The following TAF5L variants were observed in gnomAD, a reference collection of about 807,000 sequenced individuals.
TAF5L encodes TAF5-like RNA polymerase II p300/CBP-associated factor-associated factor 65 kDa subunit 5L.
TAF5L carries 7 observed loss-of-function variants against 51.3 expected under a neutral mutation model. The ratio of observed to expected loss-of-function variants is 0.14; its 90% CI spans 0.08 to 0.26. The LOEUF (loss-of-function observed/expected upper bound fraction) is 0.26, where lower values mean the gene tolerates loss of function less well. Ranked by LOEUF, TAF5L falls within the 10% of genes least tolerant of loss-of-function variation. TAF5L has a pLI of 1.00. For synonymous variants in TAF5L, 291 were observed against 308.1 expected (o/e 0.94, Z 0.58); for missense variants, 575 against 758.9 (o/e 0.76, Z 2.85).
At chr1:229,603,914 C>G (rs918213887) in intron 3 of TAF5L, among the ~76,000 whole-genome samples, 1 of 152,200 alleles carries the variant, frequency 6.6e-6, no homozygotes, top group Non-Finnish European at 1.5e-5. Flanking sequence ...GAGACCAGCC[C>G]GTGTCACAGT....
chr1:229,625,824 C>CCGCG lies in TAF5L; in HGVS notation c.-4+57_-4+60dup, dbSNP rs1205940409. On this transcript the variant is annotated intron_variant, in intron 1 of 4. Transcript: ENST00000258281. This position sits in a 1 kb window ranked among gnomAD's most constrained non-coding sequence, Gnocchi z 4.0. ...CCCCACCGCCCCGGCCCCCGCCCGC[C>CCGCG]CGCGCGCGCGCGCGCCTCGCGACCC... The CCGCG allele has an allele frequency of 7.9e-5, 11 of 138,784 alleles. No homozygotes were observed. The highest frequency in any genetic ancestry group is 3.5e-4 in the Admixed American group (5 of 14,370). The allele number at this position is 138,784 out of a possible 1,614,324, so 8.6% of individuals were successfully genotyped here.
At chr1:229,613,057 C>T (rs1400070409) in intron 2 of TAF5L, among the ~76,000 whole-genome samples, 2 of 151,990 alleles carry the variant, frequency 1.3e-5, no homozygotes, top group Admixed American at 6.6e-5. Context: ...GTGGCTCACA[C>T]CTGTAATCCC....
At chr1:229,611,755 T>C (rs114078644) in intron 2 of TAF5L, among the ~76,000 whole-genome samples, 1,934 of 152,308 alleles carry the variant, frequency 0.013, 39 homozygotes, top group African/African-American at 0.045. Context: ...CTGGGCTGCC[T>C]TATCAATACT....
intron 4 of TAF5L, among the ~76,000 whole-genome samples, chr1:229,596,743 C>T (rs1056152132): frequency 2.6e-5 from 4 of 152,074 alleles, no homozygotes; most frequent in Admixed American, 2.6e-4. Context: ...CTCTTCTGTC[C>T]CAGAATTCAT....
chr1:229,620,788 TAAAG>T (rs1665171849), intron 1 of TAF5L, among the ~76,000 whole-genome samples: 1 of 152,212 alleles, frequency 6.6e-6, no homozygotes, highest in African/African-American at 2.4e-5. Context: ...CTTGACTACA[TAAAG>T]AAAACTTTCA....
Position 229,599,275 on chromosome 1 carries a change from GT to G in TAF5L, c.972+2919del, listed in dbSNP as rs34051833. On this transcript the variant is annotated intron_variant, in intron 4 of 4. Transcript: ENST00000258281. ...AGAAGATTTTGGTTACTGTTATCCTGTTTTTTTTTTTAAACTGAGATATAAT... is the reference window on the plus strand; with the variant it reads ...AGAAGATTTTGGTTACTGTTATCCTGTTTTTTTTTTAAACTGAGATATAAT... The G allele has an allele frequency of 2.7e-3, 1,860 of 685,884 alleles. 1 individual carries two copies. Among genetic ancestry groups the G allele is most frequent in the Non-Finnish European group, 3.0e-3 (1,698 of 559,224 alleles). The allele number at this position is 685,884 out of a possible 1,614,324, so 42.5% of individuals were successfully genotyped here.
intron 4 of TAF5L, among the ~76,000 whole-genome samples, chr1:229,596,846 T>C (rs561478872): frequency 6.6e-6 from 1 of 152,320 alleles, no homozygotes; most frequent in East Asian, 1.9e-4. Flanking sequence ...GTGGCAGCCT[T>C]AGGTTCTTGT....
intron 2 of TAF5L, 64 bp downstream of exon 2, chr1:229,614,277 C>T: frequency 6.2e-7 from 1 of 1,613,950 alleles, no homozygotes. Context: ...AGTAATTCCA[C>T]ATGGATATTG....
At chr1:229,618,946 A>G (rs898237469) in intron 1 of TAF5L, among the ~76,000 whole-genome samples, 3 of 152,216 alleles carry the variant, frequency 2.0e-5, no homozygotes, top group African/African-American at 7.2e-5. Flanking sequence ...AGATAAATTC[A>G]GGCAAACTCA....
In TAF5L at chr1:229,602,166, T is replaced by C. The variant is rs1021960016; in HGVS notation, c.972+29A>G. 1 of 1,597,002 alleles carries C rather than the reference T, an allele frequency of 6.3e-7. No individual in the cohort carries two copies. The highest frequency in any genetic ancestry group is 1.7e-5 in the Admixed American group (1 of 58,706). ...ATTCTAAGGAAATTAGGAAGGCGGGTGCAGGGAAGAAAAAAATGGTATTCA... is the reference window on the plus strand; with the variant it reads ...ATTCTAAGGAAATTAGGAAGGCGGGCGCAGGGAAGAAAAAAATGGTATTCA... On this transcript the variant is annotated intron_variant, in intron 4 of 4. Transcript: ENST00000258281. The surrounding 1 kb of genome is among the most constrained non-coding windows in gnomAD (Gnocchi z 4.6).
rs146546620 is a variant in TAF5L, at chr1:229,602,609, G to A, written c.558C>T (p.Ala186=). The change falls in exon 4 of 5, where the codon GCC becomes GCT. Residue 186 remains alanine (A), a synonymous_variant. Coordinates refer to ENST00000258281, the Ensembl canonical transcript of TAF5L. This position sits in a 1 kb window ranked among gnomAD's most constrained non-coding sequence, Gnocchi z 4.6. ...TATGTAAGGTGAGGACTTTGCACAG[G>A]GCAGTATTGTTGTCACTTTGGAGGT... is the stretch of plus-strand genomic sequence containing the variant. The A allele has an allele frequency of 1.4e-4, 221 of 1,614,068 alleles. No homozygotes were observed. Among genetic ancestry groups the A allele is most frequent in the Admixed American group, 1.8e-4 (11 of 59,998 alleles).
chr1:229,602,938 A>G lies in TAF5L; in HGVS notation c.248-19T>C, dbSNP rs1275193093. ...TCAGAATCTATAATGAAAGAAAAAG[A>G]AGGCTTTATAATCAGCATAATCTTA... On this transcript the variant is annotated intron_variant, in intron 3 of 4. Transcript: ENST00000258281. The surrounding 1 kb of genome is among the most constrained non-coding windows in gnomAD (Gnocchi z 4.6). 9 of 1,566,320 alleles carry G rather than the reference A, an allele frequency of 5.7e-6. No individual in the cohort carries two copies. The highest frequency in any genetic ancestry group is 1.8e-5 in the Admixed American group (1 of 54,128).
At chr1:229,606,182 G>A in intron 3 of TAF5L, 4 of 985,396 alleles carry the variant, frequency 4.1e-6, no homozygotes, top group Non-Finnish European at 3.6e-6. Context: ...CTTGTCTGAA[G>A]AGAACAGTAT....
At chr1:229,614,842 AG>A (rs1664917458) in intron 1 of TAF5L, among the ~76,000 whole-genome samples, 1 of 152,194 alleles carries the variant, frequency 6.6e-6, no homozygotes. Flanking sequence ...TCTGAAATTT[AG>A]GGCCTTTGAT....
At chr1:229,610,701 TC>T (rs1370609894) in intron 2 of TAF5L, among the ~76,000 whole-genome samples, 83 of 152,244 alleles carry the variant, frequency 5.5e-4, no homozygotes, top group African/African-American at 2.0e-3. Flanking sequence ...CCTGAACCAA[TC>T]CTTTAATTTT....
chr1:229,599,834 A>G (rs1664300255), intron 4 of TAF5L: 2 of 985,316 alleles, frequency 2.0e-6, no homozygotes. Flanking sequence ...CGTTTCAAAT[A>G]CTGTAGAAAT....
At chr1:229,598,701 TTTTTTCTTTTTTTTTGA>T (rs1185198252) in intron 4 of TAF5L, among the ~76,000 whole-genome samples, 1 of 151,340 alleles carries the variant, frequency 6.6e-6, no homozygotes, top group African/African-American at 2.4e-5. Context: ...TTTTTTTTTT[TTTTTTCTTTTTTTTTGA>T]GACAGAATCT....
At position 229,622,297 on chromosome 1, in the gene TAF5L, C is replaced by T. The variant is rs1406645069; in HGVS notation, c.-4+3588G>A. On this transcript the variant is annotated intron_variant, in intron 1 of 4. Transcript: ENST00000258281. ...CTCCAGTTGTTCCAGCCCATTATGT[C>T]CTTCCCAAACAGCACCTTGTTGTTC... Among the ~76,000 whole-genome samples, 6 of 152,228 alleles carry T rather than the reference C, an allele frequency of 3.9e-5. No homozygotes were observed. The East Asian group carries it at 7.7e-4, about 20-fold the overall frequency.
intron 3 of TAF5L, among the ~76,000 whole-genome samples, chr1:229,604,723 G>A (rs941521961): frequency 1.3e-5 from 2 of 152,164 alleles, no homozygotes; most frequent in Non-Finnish European, 2.9e-5. Context: ...CAGCTTGCGA[G>A]ATGAGTGCAA....
Sources: gnomAD v4.1 joint callset for allele counts (sites outside exome capture counted in the v4.1 genomes callset) on GRCh38, gnomAD v4.1.1 for gene constraint, Gnocchi (gnomAD v3.1) non-coding constraint, MANE v1.5 for transcripts, NCBI Gene and HGNC (gene_info 2026-07-23, HGNC 2026-07-21) for gene names.